EXOC6: variants seen among roughly 807,000 people sequenced by gnomAD.
EXOC6 encodes SEC15-like 1.
Under a neutral mutation model 112.5 loss-of-function variants are expected in EXOC6, and 60 were observed. The ratio of observed to expected loss-of-function variants is 0.53; its 90% CI spans 0.43 to 0.66. EXOC6 has a LOEUF of 0.66. EXOC6 is among the 30% of genes least tolerant of loss of function. The pLI is 0.00. For missense variants in EXOC6, 855 were observed against 957.1 expected (o/e 0.89, Z 1.41); for synonymous variants, 295 against 308.0 (o/e 0.96, Z 0.44).
chr10:92,967,127 G>A (rs1385279277), intron 17 of EXOC6, among the ~76,000 whole-genome samples: 3 of 151,560 alleles, frequency 2.0e-5, no homozygotes, highest in African/African-American at 7.3e-5. Context: ...CCCACTTTTT[G>A]ATGGGGTTGT....
At chr10:93,052,220 T>A (rs1846329832) in intron 20 of EXOC6, among the ~76,000 whole-genome samples, 1 of 152,232 alleles carries the variant, frequency 6.6e-6, no homozygotes, top group Admixed American at 6.5e-5. Flanking sequence ...TTTCATAGAA[T>A]AGTTTTAAGT....
chr10:92,987,508 C>A, intron 18 of EXOC6: 2 of 310,134 alleles, frequency 6.4e-6, no homozygotes, highest in Non-Finnish European at 9.4e-6. Context: ...AAAGAACTTG[C>A]TTGTTTTAGA....
rs959300064 is a variant in EXOC6, at chr10:92,974,618, C to G, written c.1953+386C>G. Among the ~76,000 whole-genome samples the G allele has an allele frequency of 4.2e-4, 64 of 152,100 alleles. 1 individual carries two copies. The highest frequency in any genetic ancestry group is 7.2e-4 in the Non-Finnish European group (49 of 68,036). ...TCCACGTCTCCCTCTGATGCCGAGC[C>G]GAAGCTGCACTGTACTGCTGCCATC... is the stretch of plus-strand genomic sequence containing the variant. On this transcript the variant is annotated intron_variant, in intron 18 of 21. Transcript: ENST00000260762.
intron 8 of EXOC6, among the ~76,000 whole-genome samples, chr10:92,920,774 C>G (rs1188615062): frequency 6.6e-6 from 1 of 152,060 alleles, no homozygotes; most frequent in Non-Finnish European, 1.5e-5. Flanking sequence ...GCCTTGTTGG[C>G]AGGTGAATAT....
At chr10:92,922,485 A>G (rs750466314) in intron 8 of EXOC6, among the ~76,000 whole-genome samples, 1 of 152,200 alleles carries the variant, frequency 6.6e-6, no homozygotes, top group Non-Finnish European at 1.5e-5. Flanking sequence ...GTTATTATAA[A>G]AGGGTTACAT....
chr10:92,909,260 T>TTA (rs1214350623), intron 5 of EXOC6, among the ~76,000 whole-genome samples, 167 bp from the exon 6 acceptor site: 1 of 152,212 alleles, frequency 6.6e-6, no homozygotes, highest in African/African-American at 2.4e-5. Flanking sequence ...TTTATGTGGT[T>TTA]TATAGTTTGT....
chr10:93,033,542 C>G (rs1032630659), intron 20 of EXOC6, among the ~76,000 whole-genome samples: 1 of 152,184 alleles, frequency 6.6e-6, no homozygotes, highest in Non-Finnish European at 1.5e-5. Flanking sequence ...TTCCTACTCT[C>G]ATTTTCTCGT....
chr10:92,876,734 C>A (rs1166194815), intron 1 of EXOC6, among the ~76,000 whole-genome samples: 1 of 152,116 alleles, frequency 6.6e-6, no homozygotes, highest in African/African-American at 2.4e-5. Flanking sequence ...AGTTCCCAGA[C>A]AGGCATCCAG....
chr10:92,887,549 G>A (rs183724884), intron 1 of EXOC6, among the ~76,000 whole-genome samples: 37 of 151,566 alleles, frequency 2.4e-4, no homozygotes, highest in Admixed American at 6.6e-4. Flanking sequence ...ACAGGCGCCC[G>A]CCACCACACC....
chr10:92,928,328 T>C lies in EXOC6; in HGVS notation c.889-11T>C. ...TGTGTATTTTTCATTACTCTGCTGA[T>C]TTTATTTTAGGGTGACGAGGAAACA... On this transcript the variant is annotated splice_polypyrimidine_tract_variant and intron_variant, in intron 8 of 21. Coordinates refer to ENST00000260762, the MANE Select transcript of EXOC6 (RefSeq NM_019053.6). The C allele has an allele frequency of 6.4e-7, 1 of 1,574,468 alleles. No homozygotes were observed. The highest frequency in any genetic ancestry group is 8.7e-7 in the Non-Finnish European group (1 of 1,146,858).
intron 20 of EXOC6, among the ~76,000 whole-genome samples, chr10:93,023,318 A>G (rs1405760965): frequency 6.6e-6 from 1 of 152,222 alleles, no homozygotes; most frequent in Non-Finnish European, 1.5e-5. Flanking sequence ...AGCTGAAGGC[A>G]AGAGAATTGG....
At chr10:92,950,672 T>C (rs967424266) in intron 14 of EXOC6, among the ~76,000 whole-genome samples, 3 of 152,126 alleles carry the variant, frequency 2.0e-5, no homozygotes, top group Admixed American at 6.5e-5. Flanking sequence ...GAGATGTAAA[T>C]TGGAGAAGTA....
At chr10:92,875,943 A>G (rs1227761187) in intron 1 of EXOC6, among the ~76,000 whole-genome samples, 1 of 152,118 alleles carries the variant, frequency 6.6e-6, no homozygotes, top group Admixed American at 6.5e-5. Context: ...ACATGTATAT[A>G]TAAAAATCAC....
At chr10:92,958,986 C>T (rs199809354) in intron 17 of EXOC6, among the ~76,000 whole-genome samples, 13 of 151,996 alleles carry the variant, frequency 8.6e-5, no homozygotes, top group East Asian at 3.9e-4. Flanking sequence ...CCCAGCTACT[C>T]GGGAGGCTGA....
In EXOC6 at chr10:92,934,349, A is replaced by T; in HGVS notation, c.1059A>T (p.Gln353His). 6.2e-7 allele frequency: 1 copy of T among 1,601,922 alleles called. No homozygotes were observed. The highest frequency in any genetic ancestry group is 1.1e-5 in the South Asian group (1 of 87,880). ...AAGATCACATTTTACATGTGACCCA[A>T]GGATTAGTAACCAGGGCATACACTG... ...VVEDHILHVTQGLVTRAYTDE... is the reference protein window; with the variant it reads ...VVEDHILHVTHGLVTRAYTDE... Residue 353 changes from glutamine to histidine, a missense_variant, in exon 11 of 22, where the codon CAA (glutamine) becomes CAT (histidine). Around this residue, in one of 2 missense-constraint regions of EXOC6, gnomAD observed 450 missense variants for 563.5 expected, o/e 0.80. Coordinates refer to ENST00000260762, the MANE Select transcript of EXOC6 (RefSeq NM_019053.6).
chr10:92,910,653 G>A (rs939579345), intron 6 of EXOC6, among the ~76,000 whole-genome samples: 8 of 152,182 alleles, frequency 5.3e-5, no homozygotes, highest in South Asian at 4.1e-4. Flanking sequence ...ATTTGGGGCC[G>A]GGCGGGGTGG....
In EXOC6 at chr10:92,894,705, T is replaced by G. The variant is rs1406398950; in HGVS notation, c.274-89T>G. 1.3e-5 allele frequency: 13 copies of G among 988,196 alleles called. No individual in the cohort carries two copies. In the East Asian group the frequency reaches 3.0e-4, roughly 22 times the overall value. The allele number at this position is 988,196 out of a possible 1,614,324, so 61.2% of individuals were successfully genotyped here. A position where few individuals can be genotyped will look rare whatever the true frequency, so the allele number is the denominator to read the frequency against. On this transcript the variant is annotated intron_variant, in intron 2 of 21. Coordinates refer to ENST00000260762, the MANE Select transcript of EXOC6 (RefSeq NM_019053.6). ...GCATTTCTTTGTTCTAAGTTTCTCATGAAGCATGATCTGATTACAAGGGTG... is the reference window on the plus strand; with the variant it reads ...GCATTTCTTTGTTCTAAGTTTCTCAGGAAGCATGATCTGATTACAAGGGTG...
chr10:92,929,086 C>T (rs1313288839), intron 9 of EXOC6, among the ~76,000 whole-genome samples: 1 of 152,210 alleles, frequency 6.6e-6, no homozygotes, highest in Non-Finnish European at 1.5e-5. Context: ...GGGCTAAGCC[C>T]AGAGCCCACC....
At chr10:92,855,071 A>G (rs756235437) in intron 1 of EXOC6, among the ~76,000 whole-genome samples, 25 of 152,116 alleles carry the variant, frequency 1.6e-4, no homozygotes, top group Admixed American at 1.5e-3. Flanking sequence ...TTCTACATCT[A>G]TATTCATGAG....
Sources: allele counts gnomAD v4.1 joint callset (sites outside exome capture counted in the v4.1 genomes callset), GRCh38; gene constraint gnomAD v4.1.1; regional missense constraint gnomAD v4.1.1; transcripts MANE v1.5; gene names NCBI Gene and HGNC (gene_info 2026-07-23, HGNC 2026-07-21).